Variants in KCNIP4 observed in about 807,000 individuals in gnomAD.
The protein encoded by KCNIP4 is Kv channel-interacting protein 4.
In KCNIP4, 12 loss-of-function variants were observed where a neutral mutation model predicts 34.0. The observed-to-expected ratio is 0.35, with a 90% CI of 0.23 to 0.57. The LOEUF is 0.57. Ranked by LOEUF, KCNIP4 falls within the 20% of genes least tolerant of loss-of-function variation. KCNIP4 has a pLI of 0.83. For synonymous variants in KCNIP4, 124 were observed against 102.2 expected (o/e 1.21, Z -1.29); for missense variants, 238 against 311.7 (o/e 0.76, Z 1.78).
At chr4:21,824,396 A>G (rs1045573685) in intron 1 of KCNIP4, among the ~76,000 whole-genome samples, 5 of 152,170 alleles carry the variant, frequency 3.3e-5, no homozygotes, top group Non-Finnish European at 5.9e-5. Context: ...GCTCCTAGGG[A>G]TAAAATCACT....
At chr4:21,231,269 T>C (rs541228472) in intron 1 of KCNIP4, among the ~76,000 whole-genome samples, 11 of 152,308 alleles carry the variant, frequency 7.2e-5, no homozygotes, top group South Asian at 4.1e-4. Context: ...TGCAAAAAAA[T>C]TAAGTAAATA....
At chr4:21,291,833 G>A (rs1763484807) in intron 1 of KCNIP4, among the ~76,000 whole-genome samples, 2 of 134,468 alleles carry the variant, frequency 1.5e-5, no homozygotes, top group South Asian at 4.7e-4. Context: ...CAGCCTGGGC[G>A]ACAGAGTTAG....
At chr4:21,037,712 T>C (rs1339841056) in intron 1 of KCNIP4, among the ~76,000 whole-genome samples, 1 of 152,216 alleles carries the variant, frequency 6.6e-6, no homozygotes, top group Non-Finnish European at 1.5e-5. Flanking sequence ...AATGAATGTT[T>C]GTAAACAGTA....
chr4:21,469,988 C>T (rs13149579), intron 1 of KCNIP4, among the ~76,000 whole-genome samples: 17,974 of 152,206 alleles, frequency 0.12, 1,248 homozygotes, highest in South Asian at 0.16. Flanking sequence ...TTTCTGTTAA[C>T]TACGCCACAA....
intron 1 of KCNIP4, among the ~76,000 whole-genome samples, chr4:21,022,393 T>C (rs1740156914): frequency 6.6e-6 from 1 of 152,172 alleles, no homozygotes; most frequent in Non-Finnish European, 1.5e-5. Flanking sequence ...TTAAGCACAA[T>C]CCAAACATTT....
intron 1 of KCNIP4, among the ~76,000 whole-genome samples, chr4:21,457,306 G>A (rs754721266): frequency 3.9e-5 from 6 of 151,952 alleles, no homozygotes; most frequent in African/African-American, 1.2e-4. Context: ...CCTTGTTGGC[G>A]GCTTGCTGGC....
intron 1 of KCNIP4, among the ~76,000 whole-genome samples, chr4:21,199,367 T>C (rs1020865287): frequency 7.9e-5 from 12 of 152,226 alleles, no homozygotes; most frequent in Admixed American, 7.2e-4. Context: ...TGCATAAATG[T>C]CTTGAGAACT....
intron 1 of KCNIP4, among the ~76,000 whole-genome samples, chr4:21,172,709 C>T (rs1320540290): frequency 6.6e-6 from 1 of 152,118 alleles, no homozygotes; most frequent in Non-Finnish European, 1.5e-5. Flanking sequence ...ATTTATAAAG[C>T]CCCACTCTGG....
chr4:21,234,604 C>T (rs1349311190), intron 1 of KCNIP4, among the ~76,000 whole-genome samples: 6 of 136,728 alleles, frequency 4.4e-5, no homozygotes, highest in Admixed American at 7.8e-5. Flanking sequence ...ATATATATTA[C>T]ATATAACGTA....
At chr4:20,737,426 A>C (rs929667484) in intron 5 of KCNIP4, among the ~76,000 whole-genome samples, 1 of 152,202 alleles carries the variant, frequency 6.6e-6, no homozygotes, top group Non-Finnish European at 1.5e-5. Context: ...TGAAGAGAAG[A>C]ATCTAAAAAG....
chr4:20,818,920 CTTTTTTTTTT>C (rs11382765), intron 3 of KCNIP4, among the ~76,000 whole-genome samples: 2 of 104,954 alleles, frequency 1.9e-5, no homozygotes, highest in East Asian at 2.6e-4. Flanking sequence ...TATATTATCT[CTTTTTTTTTT>C]TTTTTTTTTT....
intron 1 of KCNIP4, among the ~76,000 whole-genome samples, chr4:21,137,554 A>G (rs1751595716): frequency 6.6e-6 from 1 of 152,168 alleles, no homozygotes; most frequent in African/African-American, 2.4e-5. Flanking sequence ...GCATCTTATC[A>G]TCTAGTCAAA....
chr4:20,842,251 T>C (rs1243582121), intron 3 of KCNIP4, among the ~76,000 whole-genome samples: 3 of 152,064 alleles, frequency 2.0e-5, no homozygotes, highest in Non-Finnish European at 4.4e-5. Flanking sequence ...TAAGTATGGA[T>C]GTGGAGAAGG....
intron 1 of KCNIP4, among the ~76,000 whole-genome samples, chr4:21,086,237 C>A (rs1249589293): frequency 6.6e-6 from 1 of 152,080 alleles, no homozygotes; most frequent in South Asian, 2.1e-4. Flanking sequence ...AAACCCAAAT[C>A]TTAATTAATA....
At chr4:21,373,783 G>C (rs980038767) in intron 1 of KCNIP4, among the ~76,000 whole-genome samples, 2 of 146,930 alleles carry the variant, frequency 1.4e-5, no homozygotes, top group African/African-American at 2.7e-5. Flanking sequence ...TCTGTTCACT[G>C]CAACCTCTGC....
At chr4:21,247,559 ATT>A (rs1760302329) in intron 1 of KCNIP4, among the ~76,000 whole-genome samples, 4 of 136,772 alleles carry the variant, frequency 2.9e-5, no homozygotes, top group Non-Finnish European at 4.5e-5. Context: ...ATATCTATAT[ATT>A]TATATAGATA....
At chr4:21,641,635 T>A (rs555311077) in intron 1 of KCNIP4, among the ~76,000 whole-genome samples, 1 of 152,172 alleles carries the variant, frequency 6.6e-6, no homozygotes, top group Non-Finnish European at 1.5e-5. Context: ...TTGTGTGCCA[T>A]GTGAATGCTA....
At chr4:20,731,078 C>A (rs549273287) in intron 8 of KCNIP4, among the ~76,000 whole-genome samples, 1 of 152,162 alleles carries the variant, frequency 6.6e-6, no homozygotes, top group Non-Finnish European at 1.5e-5. Flanking sequence ...TTGAAAAATT[C>A]TTTTTTTCTT....
intron 1 of KCNIP4, among the ~76,000 whole-genome samples, chr4:21,467,137 C>T (rs996051646): frequency 6.9e-6 from 1 of 144,310 alleles, no homozygotes; most frequent in Admixed American, 6.9e-5. Flanking sequence ...CATAATAAAA[C>T]AAACTGGATA....
Sources: allele counts gnomAD v4.1 joint callset (sites outside exome capture counted in the v4.1 genomes callset), GRCh38; gene constraint gnomAD v4.1.1; transcripts MANE v1.5; gene names NCBI Gene and HGNC (gene_info 2026-07-23, HGNC 2026-07-21).